The following MDK variants were observed in gnomAD, a reference collection of about 807,000 sequenced individuals.
The protein encoded by MDK is amphiregulin-associated protein.
A neutral mutation model predicts 18.9 loss-of-function variants in MDK; 17 were observed. That is an observed-to-expected ratio of 0.90 (90% CI 0.62 to 1.35). The LOEUF (loss-of-function observed/expected upper bound fraction) is 1.35, where lower values mean the gene tolerates loss of function less well. Ranked by LOEUF, MDK falls within the 40% of genes most tolerant of loss-of-function variation. The probability of loss-of-function intolerance (pLI) is 0.00; values close to 1 mark genes in which losing one functional copy is unlikely to be tolerated. For synonymous variants in MDK, 86 were observed against 74.3 expected (o/e 1.16, Z -0.81); for missense variants, 180 against 186.3 (o/e 0.97, Z 0.20).
rs766479252 is a variant in MDK, at chr11:46,382,631, G to A, written c.289G>A (p.Gly97Ser). 3.7e-6 allele frequency: 6 copies of A among 1,612,666 alleles called. No individual in the cohort carries two copies. In the East Asian group the frequency reaches 8.9e-5, roughly 24 times the overall value. The change falls in exon 4 of 5, where the codon GGC becomes AGC. Residue 97 changes from glycine to serine, a missense_variant. Transcript: ENST00000395566. ...TGAGAACTGGGGTGCGTGTGATGGGGGCACAGGCACCAAAGTCCGCCAAGG... is the reference window on the plus strand; with the variant it reads ...TGAGAACTGGGGTGCGTGTGATGGGAGCACAGGCACCAAAGTCCGCCAAGG... ...KFENWGACDG[G>S]TGTKVRQGTL...
chr11:46,382,027 C>G (rs1258036049), intron 1 of MDK, 30 bp from the exon 2 acceptor site: 5 of 1,580,762 alleles, frequency 3.2e-6, no homozygotes, highest in Non-Finnish European at 4.3e-6. Context: ...GGGGACGGGC[C>G]AGGGATTCAG....
chr11:46,382,722 C>A lies in MDK; in HGVS notation c.380C>A (p.Thr127Asn). 1 of 1,612,774 alleles carries A rather than the reference C, an allele frequency of 6.2e-7. No homozygotes were observed. Among genetic ancestry groups the A allele is most frequent in the Non-Finnish European group, 8.5e-7 (1 of 1,179,764 alleles). Residue 127 changes from threonine (T) to asparagine (N), a missense_variant, in exon 4 of 5, where the codon ACC becomes AAC. Coordinates refer to ENST00000395566, the MANE Select transcript of MDK (RefSeq NM_002391.6). Reference sequence around the variant, plus strand: ...ACCATCCGCGTCACCAAGCCCTGCACCCCCAAGACCAAAGCAAAGGCCAAA... The same window carrying A: ...ACCATCCGCGTCACCAAGCCCTGCAACCCCAAGACCAAAGCAAAGGCCAAA... Reference protein sequence around the residue: ...QETIRVTKPCTPKTKAKAKAK... With the variant: ...QETIRVTKPCNPKTKAKAKAK...
At position 46,382,334 on chromosome 11, in the gene MDK, G is replaced by T. The variant is rs1283185666; in HGVS notation, c.117G>T (p.Glu39Asp). 1 of 1,606,960 alleles carries T rather than the reference G, an allele frequency of 6.2e-7. No individual in the cohort carries two copies. The highest frequency in any genetic ancestry group is 8.5e-7 in the Non-Finnish European group (1 of 1,177,694). ...GCGGCCCGGGGAGCGAGTGCGCTGA[G>T]TGGGCCTGGGGGCCCTGCACCCCCA... ...KKGGPGSECAEWAWGPCTPSS... is the reference protein window; with the variant it reads ...KKGGPGSECADWAWGPCTPSS... Residue 39 changes from glutamate to aspartate, a missense_variant, in exon 3 of 5, where the codon GAG becomes GAT. Glu to Asp is a conservative substitution (Grantham distance 45, BLOSUM62 2). Transcript: ENST00000395566.
intron 4 of MDK, chr11:46,383,063 G>A (rs1393421165): frequency 6.3e-6 from 3 of 475,996 alleles, no homozygotes; most frequent in East Asian, 7.9e-5. Context: ...CTCCAGCCAC[G>A]GGCAGCATTT....
Position 46,382,404 on chromosome 11 carries a change from G to A in MDK, c.187G>A (p.Ala63Thr). The A allele has an allele frequency of 1.9e-6, 3 of 1,550,792 alleles. No homozygotes were observed. The highest frequency in any genetic ancestry group is 2.4e-5 in the South Asian group (2 of 81,900). ...GGGTTTCCGCGAGGGCACCTGCGGG[G>A]CCCAGACCCAGCGCATCCGGTGCAG... ...GVGFREGTCG[A>T]QTQRIRCRVP... is the part of the protein sequence containing the mutation. The change falls in exon 3 of 5, where the codon GCC becomes ACC. Residue 63 changes from alanine to threonine, a missense_variant. Coordinates refer to ENST00000395566, the MANE Select transcript of MDK (RefSeq NM_002391.6).
intron 4 of MDK, 42 bp downstream of exon 4, chr11:46,382,790 G>GCAC: frequency 1.0e-6 from 1 of 985,982 alleles, no homozygotes. Context: ...GCGGGGGGCT[G>GCAC]CCCCCCCCCC....
chr11:46,382,930 G>T, intron 4 of MDK, 182 bp downstream of exon 4: 5 of 686,410 alleles, frequency 7.3e-6, no homozygotes, highest in Non-Finnish European at 1.2e-5. Context: ...AAGAGAGGCC[G>T]CAGGTGATGC....
chr11:46,383,554 C>G lies in MDK; in HGVS notation c.*60C>G, dbSNP rs745717868. 4.6e-6 allele frequency: 7 copies of G among 1,516,240 alleles called. No homozygotes were observed. The highest frequency in any genetic ancestry group is 6.4e-6 in the Non-Finnish European group (7 of 1,092,396). 93.9% of individuals were successfully genotyped at this position (1,516,240 alleles called of 1,614,324 possible). ...CACATGGGGCCTGGCCCACGCCCTC[C>G]CTCTCCCAGGCCCGAGATGTGACCC... is the stretch of plus-strand genomic sequence containing the variant. On this transcript the variant is annotated 3_prime_UTR_variant, in exon 5 of 5. Transcript: ENST00000395566.
At chr11:46,382,492 A>C (rs373593241) in intron 3 of MDK, 31 bp downstream of exon 3, 3 of 1,527,090 alleles carry the variant, frequency 2.0e-6, no homozygotes, top group Non-Finnish European at 2.6e-6. Context: ...AGGGCAGGAG[A>C]CGGGGGGCAC....
At chr11:46,382,908 G>A (rs1945266740) in intron 4 of MDK, 160 bp downstream of exon 4, 2 of 833,760 alleles carry the variant, frequency 2.4e-6, no homozygotes, top group African/African-American at 1.7e-5. Flanking sequence ...AAAGTCTGAA[G>A]ATGGGCACTA....
At position 46,382,756 on chromosome 11, in the gene MDK, A is replaced by G. The variant is rs1262276821; in HGVS notation, c.406+8A>G. The G allele has an allele frequency of 2.5e-6, 4 of 1,600,704 alleles. No individual in the cohort carries two copies. Among genetic ancestry groups the G allele is most frequent in the African/African-American group, 1.4e-5 (1 of 72,924 alleles). ...CCAAAGCAAAGGCCAAAGGTCAGCG[A>G]AAGGAGAAGGGGGTGGGGCTGTCGC... On this transcript the variant is annotated splice_region_variant and intron_variant, in intron 4 of 4. Coordinates refer to ENST00000395566, the MANE Select transcript of MDK (RefSeq NM_002391.6).
intron 1 of MDK, 53 bp from the exon 2 acceptor site, chr11:46,382,004 C>T (rs1945200134): frequency 6.5e-7 from 1 of 1,541,874 alleles, no homozygotes; most frequent in East Asian, 2.4e-5. Flanking sequence ...TGCACGCGGC[C>T]CCCGGTGGGG....
At chr11:46,383,036 G>A in intron 4 of MDK, 2 of 509,118 alleles carry the variant, frequency 3.9e-6, no homozygotes, top group Non-Finnish European at 7.1e-6. Flanking sequence ...TCCTGGAACG[G>A]CTTGCCTTTG....
At chr11:46,381,340 G>A (rs1399421994), upstream of MDK, 1 of 152,830 alleles carries the variant, frequency 6.5e-6, no homozygotes, top group African/African-American at 2.4e-5. Context: ...TACGGCAGGG[G>A]ACGACCTGGG....
intron 2 of MDK, 56 bp from the exon 3 acceptor site, chr11:46,382,238 T>A (rs1945221112): frequency 1.2e-6 from 2 of 1,603,922 alleles, no homozygotes; most frequent in Admixed American, 1.7e-5. Flanking sequence ...GGAAGGCGGC[T>A]CCCGAGGGAG....
intron 4 of MDK, 42 bp downstream of exon 4, chr11:46,382,790 G>GCA (rs1945255565): frequency 1.1e-6 from 1 of 923,464 alleles, no homozygotes. Flanking sequence ...GCGGGGGGCT[G>GCA]CCCCCCCCCC....
rs1234763200 is a variant in MDK, at chr11:46,383,678, G to T, written c.*184G>T. ...CCCCTAAGTGCCCAAAGTGGGGAGGGACAAGGGATTCTGGGAAGCTTGAGC... is the reference window on the plus strand; with the variant it reads ...CCCCTAAGTGCCCAAAGTGGGGAGGTACAAGGGATTCTGGGAAGCTTGAGC... On this transcript the variant is annotated 3_prime_UTR_variant, in exon 5 of 5. Transcript: ENST00000395566. 2 of 700,188 alleles carry T rather than the reference G, an allele frequency of 2.9e-6. No homozygotes were observed. Among genetic ancestry groups the T allele is most frequent in the Non-Finnish European group, 5.2e-6 (2 of 384,460 alleles). The allele number at this position is 700,188 out of a possible 1,614,324, so 43.4% of individuals were successfully genotyped here. A position where few individuals can be genotyped will look rare whatever the true frequency, so the allele number is the denominator to read the frequency against.
chr11:46,382,262 C>A (rs757452961), intron 2 of MDK, 32 bp from the exon 3 acceptor site: 6 of 1,602,106 alleles, frequency 3.7e-6, no homozygotes, highest in African/African-American at 1.3e-5. Context: ...CCCCGTGCCC[C>A]AGTCCTGAAC....
chr11:46,382,535 G>A, intron 3 of MDK, 52 bp from the exon 4 acceptor site: 3 of 1,561,876 alleles, frequency 1.9e-6, no homozygotes, highest in South Asian at 1.2e-5. Flanking sequence ...ACCCTTGGCG[G>A]AGGGCGGGGC....
Sources: allele counts gnomAD v4.1 joint callset, GRCh38; gene constraint gnomAD v4.1.1; transcripts MANE v1.5; gene names NCBI Gene and HGNC (gene_info 2026-07-23, HGNC 2026-07-21).